MYO18A: variants seen among roughly 807,000 people sequenced by gnomAD.
MYO18A encodes myosin XVIIIA.
MYO18A carries 78 observed loss-of-function variants against 235.8 expected under a neutral mutation model. That is an observed-to-expected ratio of 0.33 (90% CI 0.28 to 0.40). MYO18A has a LOEUF of 0.40. Among genes scored for constraint, MYO18A ranks in the 10% least tolerant of loss-of-function variants. The pLI is 1.00. For synonymous variants in MYO18A, 977 were observed against 1,077.8 expected, an observed-to-expected ratio of 0.91 and a Z score of 1.83; for missense variants, 2,215 against 2,699.3, an observed-to-expected ratio of 0.82 and a Z score of 3.98.
chr17:29,173,921 G>A (rs908886612), intron 1 of MYO18A, among the ~76,000 whole-genome samples: 6 of 151,928 alleles, frequency 3.9e-5, no homozygotes, highest in South Asian at 2.1e-4. Flanking sequence ...ACAGGTGTGC[G>A]CCACCATTAC....
At chr17:29,094,113 C>T in intron 30 of MYO18A, 23 bp from the exon 31 acceptor site, 1 of 1,568,634 alleles carries the variant, frequency 6.4e-7, no homozygotes, top group Non-Finnish European at 8.7e-7. Context: ...GGAGTAGGGT[C>T]TGGGTTCCCT....
chr17:29,083,540 A>G (rs1266893476), intron 40 of MYO18A, among the ~76,000 whole-genome samples: 11 of 151,114 alleles, frequency 7.3e-5, no homozygotes, highest in Admixed American at 2.6e-4. Context: ...GCGCACACAC[A>G]CACACACACA....
At chr17:29,100,325 C>T (rs1025575559) in intron 21 of MYO18A, among the ~76,000 whole-genome samples, 6 of 152,234 alleles carry the variant, frequency 3.9e-5, no homozygotes, top group Non-Finnish European at 8.8e-5. Context: ...TGGTGGGAAG[C>T]TCCTGCCTTC....
At position 29,085,524 on chromosome 17, in the gene MYO18A, G is replaced by A. The variant is rs2066231768; in HGVS notation, c.5897+80C>T. On this transcript the variant is annotated intron_variant, in intron 40 of 41. Transcript: ENST00000527372. ...CTGTATCCACATGCTGCGTGCAGCG[G>A]CCCCAGGGTGGGAGCCAGTGTTAGG... The A allele has an allele frequency of 2.3e-6, 3 of 1,321,172 alleles. No individual in the cohort carries two copies. The Admixed American group carries it at 5.4e-5, about 24-fold the overall frequency. The allele number at this position is 1,321,172 out of a possible 1,614,324, so 81.8% of individuals were successfully genotyped here.
rs1478737242 is a variant in MYO18A, at chr17:29,125,698, T to C, written c.1000-3445A>G. 6.6e-6 allele frequency among the ~76,000 whole-genome samples: 1 copy of C among 152,216 alleles called. No homozygotes were observed. The highest frequency in any genetic ancestry group is 1.5e-5 in the Non-Finnish European group (1 of 68,028). Reference sequence around the variant, plus strand: ...GTGCCCTCCCACATGCACAGGACTTTGGGCTCTCTGGAGGAACCACTCTCC... The same window carrying C: ...GTGCCCTCCCACATGCACAGGACTTCGGGCTCTCTGGAGGAACCACTCTCC... On this transcript the variant is annotated intron_variant, in intron 2 of 41. Coordinates refer to ENST00000527372, the MANE Select transcript of MYO18A (RefSeq NM_078471.4). This position sits in a 1 kb window ranked among gnomAD's most constrained non-coding sequence, Gnocchi z 5.1.
chr17:29,098,233 G>A lies in MYO18A; in HGVS notation c.3871-9C>T. ...GATGTCAGCTCTGAGATCTGGGGTT[G>A]GGGGTAGGGAGTCACCACCAGTTGA... On this transcript the variant is annotated splice_polypyrimidine_tract_variant and intron_variant, in intron 24 of 41. Coordinates refer to ENST00000527372, the MANE Select transcript of MYO18A (RefSeq NM_078471.4). 6.2e-7 allele frequency: 1 copy of A among 1,613,902 alleles called. No individual in the cohort carries two copies. The highest frequency in any genetic ancestry group is 8.5e-7 in the Non-Finnish European group (1 of 1,179,836).
rs376596658 is a variant in MYO18A at position 29,094,713 on chromosome 17, G to A, written c.4647C>T (p.Ala1549=). The change falls in exon 30 of 42, where the codon GCC becomes GCT. Residue 1549 remains alanine, a synonymous_variant. Transcript: ENST00000527372. ...KVKKQLRDLE[A]KVKDQEEELD... is the part of the protein sequence containing the mutation. ...GCTCTTCTTCCTGATCCTTGACTTT[G>A]GCCTCCAGGTCCCGGAGCTGTTTCT... is the stretch of plus-strand genomic sequence containing the variant. 2.1e-5 allele frequency: 34 copies of A among 1,613,906 alleles called. No individual in the cohort carries two copies. Among genetic ancestry groups the A allele is most frequent in the Non-Finnish European group, 2.5e-5 (29 of 1,179,908 alleles).
At chr17:29,104,254 C>G (rs1486297933) in intron 20 of MYO18A, among the ~76,000 whole-genome samples, 1 of 152,112 alleles carries the variant, frequency 6.6e-6, no homozygotes, top group East Asian at 1.9e-4. Context: ...GAGACCCACC[C>G]CACTTAGGCA....
intron 41 of MYO18A, among the ~76,000 whole-genome samples, chr17:29,081,328 G>C (rs2066117311): frequency 6.6e-6 from 1 of 152,162 alleles, no homozygotes; most frequent in Non-Finnish European, 1.5e-5. Flanking sequence ...CTGGAGCCTC[G>C]TGCCATGCCG....
At chr17:29,105,171 CAA>C (rs58344909) in intron 20 of MYO18A, among the ~76,000 whole-genome samples, 1,201 of 35,682 alleles carry the variant, frequency 0.034, 6 homozygotes, top group African/African-American at 0.1. Context: ...GACTCTGTCT[CAA>C]AAAAAAAAAA....
intron 2 of MYO18A, chr17:29,131,321 A>G: frequency 1.1e-6 from 1 of 892,680 alleles, no homozygotes; most frequent in Non-Finnish European, 1.3e-6. Context: ...ACATGCACGC[A>G]TGCACACACA....
At chr17:29,132,715 T>C (rs1028125023) in intron 2 of MYO18A, among the ~76,000 whole-genome samples, 52 of 152,204 alleles carry the variant, frequency 3.4e-4, no homozygotes, top group African/African-American at 1.1e-3. Context: ...CACAGAGCTA[T>C]CTGCAACGGG....
chr17:29,094,662 C>G lies in MYO18A; in HGVS notation c.4698G>C (p.Gln1566His), dbSNP rs1429323768. The G allele has an allele frequency of 2.5e-6, 4 of 1,613,942 alleles. No homozygotes were observed. The highest frequency in any genetic ancestry group is 2.7e-5 in the African/African-American group (2 of 74,944). The change falls in exon 30 of 42, where the codon CAG becomes CAC. Residue 1566 changes from glutamine to histidine, a missense_variant. Physicochemically the swap from Gln to His is conservative, Grantham distance 24 (BLOSUM62 0). Transcript: ENST00000527372. ...EELDEQAGTI[Q>H]MLEQAKLRLE... ...AGCCCTCCTGTACCTGTTCCAGCAT[C>G]TGGATGGTCCCTGCCTGCTCATCCA... is the stretch of plus-strand genomic sequence containing the variant.
At position 29,115,374 on chromosome 17, in the gene MYO18A, G is replaced by C. The variant is rs779263099; in HGVS notation, c.2295C>G (p.Thr765=). Residue 765 remains threonine, a synonymous_variant, in exon 13 of 42, where the codon ACC becomes ACG. Coordinates refer to ENST00000527372, the MANE Select transcript of MYO18A (RefSeq NM_078471.4). Reference sequence around the variant, plus strand: ...ACCTATTCACCAGGGAGACGAGAAGGGTGAAGAGCTCGCTGTAGAGGCCGG... The same window carrying C: ...ACCTATTCACCAGGGAGACGAGAAGCGTGAAGAGCTCGCTGTAGAGGCCGG... The part of the protein sequence containing the change: ...MAAGLYSELF[T]LLVSLVNRAL... The C allele has an allele frequency of 1.2e-6, 2 of 1,614,004 alleles. No homozygotes were observed. The highest frequency in any genetic ancestry group is 2.2e-5 in the East Asian group (1 of 44,894).
chr17:29,114,809 T>A, intron 14 of MYO18A, 98 bp downstream of exon 14: 1 of 1,294,408 alleles, frequency 7.7e-7, no homozygotes, highest in Non-Finnish European at 1.1e-6. Flanking sequence ...AGGACAGAAA[T>A]GGAGAGTAAG....
At chr17:29,141,217 G>A (rs578144746) in intron 2 of MYO18A, among the ~76,000 whole-genome samples, 8 of 152,302 alleles carry the variant, frequency 5.3e-5, no homozygotes, top group African/African-American at 1.9e-4. Flanking sequence ...AGTGATGGCT[G>A]CCTGTGAAAA....
At chr17:29,132,424 G>A (rs924292436) in intron 2 of MYO18A, among the ~76,000 whole-genome samples, 2 of 152,078 alleles carry the variant, frequency 1.3e-5, no homozygotes, top group Admixed American at 6.5e-5. Flanking sequence ...CCTCTTTCCC[G>A]CGTCACCTAG....
In MYO18A at chr17:29,131,348, C is replaced by A. The variant is rs1480510031; in HGVS notation, c.1000-9095G>T. On this transcript the variant is annotated intron_variant, in intron 2 of 41. Coordinates refer to ENST00000527372, the MANE Select transcript of MYO18A (RefSeq NM_078471.4). ...GCACACACACATGCCCGCACACACA[C>A]ACGCATGCCTCGGAGAACTCAAGGA... 3.1e-6 allele frequency: 3 copies of A among 979,506 alleles called. No homozygotes were observed. In the Admixed American group the frequency reaches 1.8e-4, roughly 60 times the overall value. 60.7% of individuals were successfully genotyped at this position (979,506 alleles called of 1,614,324 possible). A position where few individuals can be genotyped will look rare whatever the true frequency, so the allele number is the denominator to read the frequency against.
intron 2 of MYO18A, chr17:29,128,919 G>A: frequency 1.4e-6 from 1 of 697,686 alleles, no homozygotes. Flanking sequence ...TTCTAGGTGA[G>A]CCCACTGCCT....
Sources: allele counts gnomAD v4.1 joint callset (sites outside exome capture counted in the v4.1 genomes callset), GRCh38; gene constraint gnomAD v4.1.1; non-coding constraint Gnocchi (gnomAD v3.1); transcripts MANE v1.5; gene names NCBI Gene and HGNC (gene_info 2026-07-23, HGNC 2026-07-21).